CLUL1: variants seen among roughly 807,000 people sequenced by gnomAD.
CLUL1 encodes clusterin like 1, also known as clusterin-like protein 1.
CLUL1 carries 43 observed loss-of-function variants against 49.4 expected under a neutral mutation model. The observed-to-expected ratio is 0.87, with a 90% CI of 0.68 to 1.12. The LOEUF (loss-of-function observed/expected upper bound fraction) is 1.12. Ranked by LOEUF, CLUL1 falls within the 50% of genes most tolerant of loss-of-function variation. The pLI, the probability that CLUL1 is intolerant of heterozygous loss-of-function variation, is 0.00. For missense variants in CLUL1, 486 were observed against 544.4 expected, an observed-to-expected ratio of 0.89 and a Z score of 1.07; for synonymous variants, 192 against 184.9, an observed-to-expected ratio of 1.04 and a Z score of -0.31.
Position 636,786 on chromosome 18 carries a change from C to T in CLUL1, c.994+3351C>T, listed in dbSNP as rs186930060. ...GATTACAGGCAACCGCCACCATGCC[C>T]AGCTACTTTGTTGTATTTTTAGTAG... On this transcript the variant is annotated intron_variant, in intron 7 of 9. Transcript: ENST00000692774. Among the ~76,000 whole-genome samples the T allele has an allele frequency of 2.8e-3, 427 of 152,092 alleles. 3 individuals carry two copies. The highest frequency in any genetic ancestry group is 9.7e-3 in the African/African-American group (401 of 41,506).
Position 644,960 on chromosome 18 carries a change from G to T in CLUL1, c.1260G>T (p.Met420Ile), listed in dbSNP as rs2074431588. The change falls in exon 9 of 10, where the codon ATG becomes ATT. Residue 420 changes from methionine to isoleucine, a missense_variant. Transcript: ENST00000692774. ...EGNISKQDETMMTDLSILPSS... is the reference protein window; with the variant it reads ...EGNISKQDETIMTDLSILPSS... ...ATATTTCCAAACAAGATGAAACAAT[G>T]ATGACAGACTTAAGCATTCTGCCTT... The T allele has an allele frequency of 6.2e-7, 1 of 1,613,284 alleles. No homozygotes were observed.
Position 597,014 on chromosome 18 carries a change from C to G in CLUL1, c.-251C>G, listed in dbSNP as rs1338080028. 6.6e-6 allele frequency: 1 copy of G among 151,482 alleles called. No homozygotes were observed. The highest frequency in any genetic ancestry group is 1.5e-5 in the Non-Finnish European group (1 of 67,932). 9.4% of individuals were successfully genotyped at this position (151,482 alleles called of 1,614,324 possible). The stretch of plus-strand genomic sequence containing the variant: ...CCCTGCGTCACCTGCAGGCCCGGGC[C>G]GCGGGGTTGGTTTCCACCCTGGAGG... On this transcript the variant is annotated 5_prime_UTR_variant, in exon 1 of 10. Coordinates refer to ENST00000692774, the MANE Select transcript of CLUL1 (RefSeq NM_001393344.1).
chr18:616,641 T>C (rs2073301375), intron 2 of CLUL1: 2 of 604,862 alleles, frequency 3.3e-6, no homozygotes, highest in Non-Finnish European at 4.1e-6. Context: ...GATTAAACAC[T>C]GTGTCATCAA....
intron 1 of CLUL1, among the ~76,000 whole-genome samples, chr18:601,786 G>T (rs2072838902): frequency 6.6e-6 from 1 of 152,112 alleles, no homozygotes; most frequent in South Asian, 2.1e-4. Context: ...TCCAGCCTGG[G>T]TGTCACAGCG....
intron 9 of CLUL1, among the ~76,000 whole-genome samples, chr18:646,997 C>T (rs1222043109): frequency 7.2e-5 from 11 of 152,106 alleles, no homozygotes; most frequent in African/African-American, 1.9e-4. Flanking sequence ...GTAATCCACC[C>T]ACCTTGGCCT....
At chr18:626,864 TAAGAAAGAAAGA>T (rs1555633334) in intron 5 of CLUL1, among the ~76,000 whole-genome samples, 1 of 70,900 alleles carries the variant, frequency 1.4e-5, no homozygotes, top group African/African-American at 5.2e-5. Context: ...CCATCTCAAA[TAAGAAAGAAAGA>T]AAGAAAGAAA....
intron 1 of CLUL1, among the ~76,000 whole-genome samples, chr18:601,698 A>C (rs1298488326): frequency 6.6e-6 from 1 of 151,782 alleles, no homozygotes; most frequent in Non-Finnish European, 1.5e-5. Flanking sequence ...AATCCCAGCT[A>C]CCTGGAAGGC....
intron 6 of CLUL1, among the ~76,000 whole-genome samples, chr18:629,446 G>A (rs1567969275): frequency 6.6e-6 from 1 of 152,152 alleles, no homozygotes; most frequent in Non-Finnish European, 1.5e-5. Context: ...ATTCCCATGT[G>A]CACAGGACTG....
At chr18:634,729 T>C (rs1393960929) in intron 7 of CLUL1, among the ~76,000 whole-genome samples, 1 of 152,104 alleles carries the variant, frequency 6.6e-6, no homozygotes, top group African/African-American at 2.4e-5. Context: ...AGCATTTAAA[T>C]AGGGAAAGTG....
At chr18:632,132 A>C (rs1222632885) in intron 6 of CLUL1, among the ~76,000 whole-genome samples, 2 of 152,234 alleles carry the variant, frequency 1.3e-5, no homozygotes, top group Admixed American at 1.3e-4. Flanking sequence ...CCTAATGTCA[A>C]ACACTCTATT....
At chr18:601,623 G>A (rs1037384379) in intron 1 of CLUL1, among the ~76,000 whole-genome samples, 1 of 149,412 alleles carries the variant, frequency 6.7e-6, no homozygotes, top group South Asian at 2.2e-4. Flanking sequence ...CTCCAGCCTG[G>A]CAACAGAGTG....
chr18:619,154 A>T lies in CLUL1; in HGVS notation c.107-59A>T, dbSNP rs3744967. 1.3e-3 allele frequency: 2,000 copies of T among 1,516,494 alleles called. 30 individuals carry two copies. The East Asian group carries it at 0.039, about 30-fold the overall frequency. The allele number at this position is 1,516,494 out of a possible 1,614,324, so 93.9% of individuals were successfully genotyped here. On this transcript the variant is annotated intron_variant, in intron 3 of 9. Transcript: ENST00000692774. ...CTTTTGGAGACATGAAAGGTTGGTG[A>T]ACTTGGTGTTTTGTAATCTGATCAG...
chr18:645,605 A>C lies in CLUL1; in HGVS notation c.1397+508A>C, dbSNP rs142795194. Among the ~76,000 whole-genome samples, 856 of 150,960 alleles carry C rather than the reference A, an allele frequency of 5.7e-3. 18 individuals are homozygous for C. Among genetic ancestry groups the C allele is most frequent in the Admixed American group, 0.035 (528 of 15,080 alleles). On this transcript the variant is annotated intron_variant, in intron 9 of 9. Transcript: ENST00000692774. ...GGTCAGGAGATTGAGACCATCCTGG[A>C]TAACACGGAGAAACTGCGTCTCTAC...
intron 6 of CLUL1, among the ~76,000 whole-genome samples, chr18:630,089 G>T (rs1165201731): frequency 2.0e-5 from 3 of 152,248 alleles, no homozygotes; most frequent in South Asian, 2.1e-4. Context: ...AAATCAATTT[G>T]TTAATCAACT....
chr18:619,680 T>A (rs2073427334), intron 4 of CLUL1, among the ~76,000 whole-genome samples: 1 of 150,158 alleles, frequency 6.7e-6, no homozygotes, highest in South Asian at 2.1e-4. Flanking sequence ...TTTTTTTTTT[T>A]ACTAGATCAG....
At chr18:628,859 C>G (rs1182415597) in intron 6 of CLUL1, among the ~76,000 whole-genome samples, 2 of 151,996 alleles carry the variant, frequency 1.3e-5, no homozygotes, top group African/African-American at 4.8e-5. Context: ...TCTCGAACTC[C>G]TGACCTCAAG....
chr18:611,395 T>C (rs1185618742), intron 2 of CLUL1, among the ~76,000 whole-genome samples: 2 of 151,830 alleles, frequency 1.3e-5, no homozygotes, highest in Non-Finnish European at 2.9e-5. Context: ...GAGAAGGGGA[T>C]AGAATTAAAA....
chr18:612,819 T>C (rs9947236), intron 2 of CLUL1: 38,985 of 153,068 alleles, frequency 0.25, 5,047 homozygotes, highest in Middle Eastern at 0.39. Context: ...CCACTGTATC[T>C]CCGGTGCAGA....
At chr18:620,495 C>CAT (rs2073457179) in intron 4 of CLUL1, among the ~76,000 whole-genome samples, 1 of 152,060 alleles carries the variant, frequency 6.6e-6, no homozygotes, top group Non-Finnish European at 1.5e-5. Context: ...CAATTGGGTG[C>CAT]ATGTGAACAG....
Sources: allele counts gnomAD v4.1 joint callset (sites outside exome capture counted in the v4.1 genomes callset), GRCh38; gene constraint gnomAD v4.1.1; transcripts MANE v1.5; gene names NCBI Gene and HGNC (gene_info 2026-07-23, HGNC 2026-07-21).